RAD9B: variants seen among roughly 807,000 people sequenced by gnomAD.
The protein encoded by RAD9B is cell cycle checkpoint control protein RAD9B.
Under a neutral mutation model 48.3 loss-of-function variants are expected in RAD9B, and 41 were observed. The observed-to-expected ratio is 0.85, with a 90% CI of 0.66 to 1.10. The LOEUF is 1.10. Among genes scored for constraint, RAD9B ranks in the 50% least tolerant of loss-of-function variants. The probability of loss-of-function intolerance (pLI) is 0.00; values close to 1 mark genes in which losing one functional copy is unlikely to be tolerated. For missense variants in RAD9B, 444 were observed against 485.1 expected (o/e 0.92, Z 0.80); for synonymous variants, 160 against 157.9 (o/e 1.01, Z -0.10).
At chr12:110,503,963 C>A (rs1340934914) in intron 2 of RAD9B, 87 bp downstream of exon 2, 2 of 726,450 alleles carry the variant, frequency 2.8e-6, no homozygotes, top group Non-Finnish European at 4.4e-6. Flanking sequence ...ACTAGGAAAT[C>A]CAGAAATTGT....
intron 2 of RAD9B, among the ~76,000 whole-genome samples, 154 bp downstream of exon 2, chr12:110,504,030 G>A (rs1369508145): frequency 6.6e-6 from 1 of 151,952 alleles, no homozygotes; most frequent in Non-Finnish European, 1.5e-5. Context: ...CTTAGAGCAT[G>A]GTAAAGTTGA....
chr12:110,514,396 G>A (rs961236505), intron 5 of RAD9B, among the ~76,000 whole-genome samples: 3 of 152,104 alleles, frequency 2.0e-5, no homozygotes, highest in African/African-American at 7.2e-5. Flanking sequence ...TTTCTTCAAA[G>A]AAAATATCAG....
chr12:110,530,471 AAT>A, intron 10 of RAD9B, 52 bp from the exon 11 acceptor site: 3 of 1,579,636 alleles, frequency 1.9e-6, no homozygotes, highest in Non-Finnish European at 2.6e-6. Flanking sequence ...TGGAGCATTT[AAT>A]GAGCAAACTT....
intron 10 of RAD9B, 103 bp from the exon 11 acceptor site, chr12:110,530,422 G>A: frequency 1.0e-6 from 1 of 1,004,900 alleles, no homozygotes; most frequent in Admixed American, 2.0e-5. Context: ...CAAAGACAGG[G>A]ATATAATACT....
Position 110,505,587 on chromosome 12 carries a change from T to C in RAD9B, c.118-30T>C, listed in dbSNP as rs2063239046. The stretch of plus-strand genomic sequence containing the variant: ...CATGGGAGCCACCATGCGCAACCTC[T>C]CCTAAATAGTTTTTATCTTATTTTT... On this transcript the variant is annotated intron_variant, in intron 2 of 10. Coordinates refer to ENST00000409300, the MANE Select transcript of RAD9B (RefSeq NM_001286535.2). 2.6e-6 allele frequency: 4 copies of C among 1,531,132 alleles called. No individual in the cohort carries two copies. The East Asian group carries it at 9.9e-5, about 38-fold the overall frequency. The allele number at this position is 1,531,132 out of a possible 1,614,324, so 94.8% of individuals were successfully genotyped here.
chr12:110,521,531 T>C (rs967023448), intron 9 of RAD9B, among the ~76,000 whole-genome samples: 2 of 151,532 alleles, frequency 1.3e-5, no homozygotes, highest in African/African-American at 2.4e-5. Flanking sequence ...TCAATATCAC[T>C]GATAATGACT....
At chr12:110,504,222 A>C (rs2063192930) in intron 2 of RAD9B, among the ~76,000 whole-genome samples, 1 of 151,398 alleles carries the variant, frequency 6.6e-6, no homozygotes, top group South Asian at 2.1e-4. Context: ...TAATCCCAGC[A>C]CTTTGGGAGG....
chr12:110,529,521 CAGG>C (rs762434605), intron 10 of RAD9B, among the ~76,000 whole-genome samples: 6 of 151,478 alleles, frequency 4.0e-5, no homozygotes, highest in Non-Finnish European at 7.4e-5. Context: ...GAGGTGAAGG[CAGG>C]AGGATTGCTT....
intron 2 of RAD9B, among the ~76,000 whole-genome samples, 170 bp downstream of exon 2, chr12:110,504,046 T>C (rs1023918207): frequency 2.6e-5 from 4 of 152,160 alleles, no homozygotes; most frequent in African/African-American, 7.2e-5. Flanking sequence ...GTTGAAAATA[T>C]GCAGATAAGC....
chr12:110,528,295 C>CT lies in RAD9B; in HGVS notation c.1126-2228dup, dbSNP rs530758420. Among the ~76,000 whole-genome samples the CT allele has an allele frequency of 6.8e-3, 1,040 of 152,194 alleles. 1 individual carries two copies. The highest frequency in any genetic ancestry group is 9.3e-3 in the Non-Finnish European group (635 of 68,028). On this transcript the variant is annotated intron_variant, in intron 10 of 10. Transcript: ENST00000409300. ...CATTTAGGAGCCAAAACTAGCAGGA[C>CT]TTGGTGATGGATTGGTTATGGGGGT...
intron 5 of RAD9B, among the ~76,000 whole-genome samples, chr12:110,514,803 C>T (rs745602262): frequency 1.3e-5 from 2 of 152,066 alleles, no homozygotes; most frequent in African/African-American, 4.8e-5. Flanking sequence ...TGTACTGCAG[C>T]GTTCATGTGT....
chr12:110,514,025 G>GT (rs1429380878), intron 5 of RAD9B, among the ~76,000 whole-genome samples: 1 of 147,828 alleles, frequency 6.8e-6, no homozygotes, highest in East Asian at 2.0e-4. Context: ...ACCACATCTG[G>GT]TCCCTTCCTT....
At chr12:110,527,641 A>G (rs1322670058) in intron 10 of RAD9B, among the ~76,000 whole-genome samples, 1 of 152,242 alleles carries the variant, frequency 6.6e-6, no homozygotes, top group Non-Finnish European at 1.5e-5. Flanking sequence ...TACAGTGAAC[A>G]AAATAAACAA....
intron 10 of RAD9B, among the ~76,000 whole-genome samples, 177 bp from the exon 11 acceptor site, chr12:110,530,348 G>T (rs539643848): frequency 6.6e-6 from 1 of 151,350 alleles, no homozygotes; most frequent in Non-Finnish European, 1.5e-5. Context: ...CGCGGCCAAG[G>T]TTTGGTTTTA....
At chr12:110,520,650 G>GTTTTTTTTTTTT (rs1232808618) in intron 9 of RAD9B, among the ~76,000 whole-genome samples, 4 of 69,638 alleles carry the variant, frequency 5.7e-5, no homozygotes, top group African/African-American at 2.2e-4. Context: ...TTTTTTTGTT[G>GTTTTTTTTTTTT]TTTTTTTTTT....
chr12:110,504,007 A>G, intron 2 of RAD9B, 131 bp downstream of exon 2: 1 of 575,598 alleles, frequency 1.7e-6, no homozygotes, highest in South Asian at 2.4e-5. Context: ...TTTATTTTAC[A>G]TATCTGAATA....
chr12:110,530,247 A>G (rs2064091898), intron 10 of RAD9B, among the ~76,000 whole-genome samples: 1 of 151,974 alleles, frequency 6.6e-6, no homozygotes, highest in African/African-American at 2.4e-5. Context: ...GGGTTTCACC[A>G]TGTTAGTCAG....
chr12:110,506,030 G>A (rs537203468), intron 3 of RAD9B, among the ~76,000 whole-genome samples: 1 of 152,096 alleles, frequency 6.6e-6, no homozygotes, highest in East Asian at 1.9e-4. Flanking sequence ...GATTATAGGC[G>A]TGTGCCACCA....
chr12:110,533,496 G>A lies in RAD9B; in HGVS notation c.*2843G>A, dbSNP rs2064186899. 1.3e-5 allele frequency: 2 copies of A among 152,114 alleles called. No individual in the cohort carries two copies. Among genetic ancestry groups the A allele is most frequent in the South Asian group, 4.1e-4 (2 of 4,824 alleles). The allele number at this position is 152,114 out of a possible 1,614,324, so 9.4% of individuals were successfully genotyped here. On this transcript the variant is annotated 3_prime_UTR_variant, in exon 11 of 11. Transcript: ENST00000409300. ...ACAGTTAAAATTCTGACATGGACAC[G>A]TTTTAGTTGAGAAGTTCAATTTTGC...
Sources: gnomAD v4.1 joint callset for allele counts (sites outside exome capture counted in the v4.1 genomes callset) on GRCh38, gnomAD v4.1.1 for gene constraint, MANE v1.5 for transcripts, NCBI Gene and HGNC (gene_info 2026-07-23, HGNC 2026-07-21) for gene names.